Variants in NR2F1-AS1 observed in about 807,000 individuals in gnomAD.
NR2F1-AS1 encodes the protein NR2F1 regulatory antisense RNA 1.
chr5:93,452,894 G>A (rs1749866845), intron 4 of NR2F1-AS1, among the ~76,000 whole-genome samples: 2 of 151,814 alleles, frequency 1.3e-5, no homozygotes, highest in Non-Finnish European at 2.9e-5. Context: ...ACAAAACCCA[G>A]TACGCAACAA....
intron 4 of NR2F1-AS1, among the ~76,000 whole-genome samples, chr5:93,456,051 C>T (rs1305658623): frequency 6.6e-6 from 1 of 152,124 alleles, no homozygotes; most frequent in Non-Finnish European, 1.5e-5. Context: ...ATCCTCTAGC[C>T]ACTTCTATTC....
intron 4 of NR2F1-AS1, among the ~76,000 whole-genome samples, chr5:93,530,669 T>A (rs925342328): frequency 5.3e-5 from 8 of 152,202 alleles, no homozygotes; most frequent in African/African-American, 1.9e-4. Flanking sequence ...AAGGTCTTGA[T>A]TTGCTTTTTA....
At chr5:93,496,089 T>G (rs1561468370) in intron 4 of NR2F1-AS1, 1 of 152,174 alleles carries the variant, frequency 6.6e-6, no homozygotes, top group Non-Finnish European at 1.5e-5. Context: ...TCTTCCAATA[T>G]CATTGTTAGA....
intron 4 of NR2F1-AS1, among the ~76,000 whole-genome samples, chr5:93,422,771 A>T (rs1462770799): frequency 1.3e-5 from 2 of 152,214 alleles, no homozygotes; most frequent in Non-Finnish European, 1.5e-5. Context: ...ATCCAGTTGC[A>T]CATTGGTTAA....
chr5:93,413,200 ATATATATG>A (rs1388736690), intron 4 of NR2F1-AS1, among the ~76,000 whole-genome samples: 16 of 108,910 alleles, frequency 1.5e-4, no homozygotes, highest in African/African-American at 5.3e-4. Context: ...ATATATATGT[ATATATATG>A]TATATATATA....
intron 4 of NR2F1-AS1, among the ~76,000 whole-genome samples, chr5:93,431,735 C>T (rs888846221): frequency 1.1e-4 from 16 of 152,248 alleles, no homozygotes; most frequent in East Asian, 1.9e-4. Flanking sequence ...ATTTTGAAGA[C>T]GAAAAACACA....
chr5:93,492,018 CCTGA>C (rs1750860054), intron 4 of NR2F1-AS1, among the ~76,000 whole-genome samples: 1 of 151,898 alleles, frequency 6.6e-6, no homozygotes, highest in Admixed American at 6.6e-5. Context: ...TCTGGAGAAC[CCTGA>C]CTAATACATC....
chr5:93,453,271 CAAG>C (rs1749876123), intron 4 of NR2F1-AS1, among the ~76,000 whole-genome samples: 2 of 151,684 alleles, frequency 1.3e-5, no homozygotes, highest in Non-Finnish European at 2.9e-5. Context: ...GAACAAAACA[CAAG>C]TAGAAAAAGA....
chr5:93,436,141 A>T (rs953780895), intron 4 of NR2F1-AS1, among the ~76,000 whole-genome samples: 1 of 152,336 alleles, frequency 6.6e-6, no homozygotes. Context: ...CATTCTCTAA[A>T]AGAAAATCTG....
chr5:93,533,730 T>C (rs1751779453), intron 4 of NR2F1-AS1, among the ~76,000 whole-genome samples: 1 of 152,192 alleles, frequency 6.6e-6, no homozygotes, highest in Non-Finnish European at 1.5e-5. Context: ...CATTTTCATT[T>C]TACAGAAGAG....
At chr5:93,519,204 A>G (rs1179998454) in intron 4 of NR2F1-AS1, among the ~76,000 whole-genome samples, 2 of 151,994 alleles carry the variant, frequency 1.3e-5, no homozygotes, top group Admixed American at 1.3e-4. Context: ...ATAACTTTAA[A>G]CCCTAGAAAC....
chr5:93,581,711 T>C (rs1422354743), upstream of NR2F1-AS1, among the ~76,000 whole-genome samples: 4 of 63,956 alleles, frequency 6.3e-5, no homozygotes, highest in African/African-American at 2.6e-4. Flanking sequence ...TCTCTCTCTC[T>C]CTCTCTCTCT....
At chr5:93,573,542 T>C (rs1399663276) in intron 1 of NR2F1-AS1, among the ~76,000 whole-genome samples, 1 of 152,138 alleles carries the variant, frequency 6.6e-6, no homozygotes, top group East Asian at 1.9e-4. Flanking sequence ...CTCACTGCAG[T>C]GACAGGGCTT....
At chr5:93,487,814 G>A (rs1203002792) in intron 4 of NR2F1-AS1, among the ~76,000 whole-genome samples, 2 of 152,130 alleles carry the variant, frequency 1.3e-5, no homozygotes, top group Non-Finnish European at 2.9e-5. Flanking sequence ...GAAAAAAGCT[G>A]GAAGCATCAT....
chr5:93,558,817 C>A (rs1752421537), intron 2 of NR2F1-AS1, among the ~76,000 whole-genome samples: 1 of 152,162 alleles, frequency 6.6e-6, no homozygotes, highest in African/African-American at 2.4e-5. Flanking sequence ...TTCTAAGCAG[C>A]AAGTCTAAAA....
At chr5:93,417,427 T>C (rs1051913101) in intron 4 of NR2F1-AS1, among the ~76,000 whole-genome samples, 4 of 152,236 alleles carry the variant, frequency 2.6e-5, no homozygotes, top group Admixed American at 2.0e-4. Context: ...AGAGTGCCTA[T>C]AATTTGTACT....
chr5:93,523,341 A>AGTCCC (rs1429592949), intron 4 of NR2F1-AS1, among the ~76,000 whole-genome samples: 1 of 152,194 alleles, frequency 6.6e-6, no homozygotes, highest in Non-Finnish European at 1.5e-5. Context: ...GAAAGGCAGC[A>AGTCCC]GTCCCAGTCA....
intron 4 of NR2F1-AS1, among the ~76,000 whole-genome samples, chr5:93,530,507 G>A (rs1751714344): frequency 6.6e-6 from 1 of 152,126 alleles, no homozygotes; most frequent in Admixed American, 6.6e-5. Context: ...AGCCCCATCA[G>A]CCTAGTCTTT....
intron 4 of NR2F1-AS1, among the ~76,000 whole-genome samples, chr5:93,505,164 T>C (rs924662137): frequency 2.0e-5 from 3 of 151,990 alleles, no homozygotes; most frequent in African/African-American, 4.8e-5. Context: ...CAAAATCCAG[T>C]AGGGCAGTCA....
Sources: allele counts gnomAD v4.1 joint callset (sites outside exome capture counted in the v4.1 genomes callset), GRCh38; gene constraint gnomAD v4.1.1; transcripts MANE v1.5; gene names NCBI Gene and HGNC (gene_info 2026-07-23, HGNC 2026-07-21).